TELO2: variants seen among roughly 807,000 people sequenced by gnomAD.
The protein encoded by TELO2 is telomere length regulation protein TEL2 homolog.
In TELO2, 71 loss-of-function variants were observed where a neutral mutation model predicts 91.0. The observed-to-expected ratio is 0.78, with a 90% CI of 0.64 to 0.95. The LOEUF (loss-of-function observed/expected upper bound fraction) is 0.95. Among genes scored for constraint, TELO2 ranks in the 40% least tolerant of loss-of-function variants. The probability of loss-of-function intolerance (pLI) is 0.00; values close to 1 mark genes in which losing one functional copy is unlikely to be tolerated. For missense variants in TELO2, 1,183 were observed against 1,141.3 expected (o/e 1.04, Z -0.53); for synonymous variants, 584 against 518.9 (o/e 1.13, Z -1.71).
chr16:1,501,722 A>C lies in TELO2; in HGVS notation c.1421A>C (p.Asp474Ala). 6.2e-7 allele frequency: 1 copy of C among 1,612,398 alleles called. No individual in the cohort carries two copies. Among genetic ancestry groups the C allele is most frequent in the Non-Finnish European group, 8.5e-7 (1 of 1,179,898 alleles). The change falls in exon 11 of 21, where the codon GAT becomes GCT. Residue 474 changes from aspartate to alanine, a missense_variant. By Grantham distance (126) the Asp-to-Ala change is moderately radical (BLOSUM62 -2). Transcript: ENST00000262319. ...PPAETPAEIV[D>A]GGVPQAQLAG... ...GCAGAGACCCCCGCAGAGATCGTGG[A>C]TGGCGGCGTCCCCCAAGCACAGCTG...
In TELO2 at chr16:1,494,894, C is replaced by T. The variant is rs985495308; in HGVS notation, c.335+278C>T. 1.1e-4 allele frequency among the ~76,000 whole-genome samples: 17 copies of T among 152,204 alleles called. No individual in the cohort carries two copies. Among genetic ancestry groups the T allele is most frequent in the African/African-American group, 3.4e-4 (14 of 41,444 alleles). ...CACATCCCAGGCGGCAGAGGCAGCC[C>T]GTCAGCTGGGGACGTTCCAGGTTTT... On this transcript the variant is annotated intron_variant, in intron 2 of 20. Transcript: ENST00000262319. The surrounding 1 kb of genome is among the most constrained non-coding windows in gnomAD (Gnocchi z 5.6).
At chr16:1,507,832 G>A (rs2039961263) in intron 20 of TELO2, 116 bp downstream of exon 20, 1 of 572,498 alleles carries the variant, frequency 1.7e-6, no homozygotes, top group Non-Finnish European at 2.5e-6. Context: ...GTGTGTGTGT[G>A]ATGTGTGTTG....
chr16:1,503,088 T>C (rs1220523055), intron 15 of TELO2, 86 bp downstream of exon 15: 2 of 1,498,880 alleles, frequency 1.3e-6, no homozygotes, highest in African/African-American at 1.4e-5. Flanking sequence ...TCCTTGTTGC[T>C]GGGCCCCAAG....
Position 1,495,440 on chromosome 16 carries a change from C to G in TELO2, c.430C>G (p.Gln144Glu), listed in dbSNP as rs568782545. Residue 144 changes from glutamine to glutamate, a missense_variant, in exon 3 of 21, where the codon CAG becomes GAG. By Grantham distance (29) the Gln-to-Glu change is conservative. Coordinates refer to ENST00000262319, the MANE Select transcript of TELO2 (RefSeq NM_016111.4). The stretch of plus-strand genomic sequence containing the variant: ...GCTGATGGAGGCGCAGTGTCGGCAG[C>G]AGACGCAGCCCGGCTTCATCCTGCT... ...AVLMEAQCRQ[Q>E]TQPGFILLRE... 13 of 1,602,840 alleles carry G rather than the reference C, an allele frequency of 8.1e-6. No homozygotes were observed. The highest frequency in any genetic ancestry group is 5.3e-5 in the African/African-American group (4 of 74,798).
In TELO2 at chr16:1,507,314, G is replaced by T; in HGVS notation, c.2235G>T (p.Val745=). The part of the protein sequence containing the change: ...MCLAVNTTVA[V]AMGKALLEFV... ...CCTCTGCTGGTGTCCAGGTGGCTGT[G>T]GCCATGGGCAAGGCCCTGCTGGAAT... The change falls in exon 19 of 21, where the codon GTG becomes GTT. Residue 745 remains valine (V), a synonymous_variant. Coordinates refer to ENST00000262319, the MANE Select transcript of TELO2 (RefSeq NM_016111.4). 6.2e-7 allele frequency: 1 copy of T among 1,609,680 alleles called. No individual in the cohort carries two copies.
chr16:1,497,500 C>G lies in TELO2; in HGVS notation c.822C>G (p.Ala274=), dbSNP rs761385755. The G allele has an allele frequency of 1.9e-6, 3 of 1,565,330 alleles. No individual in the cohort carries two copies. The highest frequency in any genetic ancestry group is 2.6e-6 in the Non-Finnish European group (3 of 1,159,030). The change falls in exon 5 of 21, where the codon GCC becomes GCG. Residue 274 remains alanine, a synonymous_variant. Coordinates refer to ENST00000262319, the MANE Select transcript of TELO2 (RefSeq NM_016111.4). This position sits in a 1 kb window ranked among gnomAD's most constrained non-coding sequence, Gnocchi z 4.0. ...MEAVLTGLVE[A]ALGPEVLSRL... Reference sequence around the variant, plus strand: ...CTGTGCTGACCGGGCTGGTGGAGGCCGCACTGGGGTAAGCAGCCAGGCTGT... The same window carrying G: ...CTGTGCTGACCGGGCTGGTGGAGGCGGCACTGGGGTAAGCAGCCAGGCTGT...
At position 1,497,804 on chromosome 16, in the gene TELO2, G is replaced by A. The variant is rs1288842338; in HGVS notation, c.830+296G>A. Among the ~76,000 whole-genome samples, 3 of 152,148 alleles carry A rather than the reference G, an allele frequency of 2.0e-5. No homozygotes were observed. The highest frequency in any genetic ancestry group is 2.1e-4 in the South Asian group (1 of 4,832). On this transcript the variant is annotated intron_variant, in intron 5 of 20. Transcript: ENST00000262319. This position sits in a 1 kb window ranked among gnomAD's most constrained non-coding sequence, Gnocchi z 4.0. The stretch of plus-strand genomic sequence containing the variant: ...TGCGCCTGTGGTCCCCCTCGCACAC[G>A]TGTGCACCATGTCCAGGCTCTGACA...
At chr16:1,502,433 G>T (rs897118544) in intron 13 of TELO2, 29 bp downstream of exon 13, 1 of 1,568,650 alleles carries the variant, frequency 6.4e-7, no homozygotes, top group African/African-American at 1.3e-5. Context: ...TGGGTGGGGA[G>T]GCCCAAGATG....
In TELO2 at chr16:1,494,488, G is replaced by A. The variant is rs1488978480; in HGVS notation, c.207G>A (p.Arg69=). 1 of 1,613,284 alleles carries A rather than the reference G, an allele frequency of 6.2e-7. No homozygotes were observed. Among genetic ancestry groups the A allele is most frequent in the Admixed American group, 1.7e-5 (1 of 60,028 alleles). ...FSPVLRCLAS[R]LSPAWLELLP... ...CTGTCCTCAGATGTCTTGCCAGCAG[G>A]CTGAGCCCAGCCTGGCTGGAGCTGC... Residue 69 remains arginine (R), a synonymous_variant, in exon 2 of 21, where the codon AGG becomes AGA. Coordinates refer to ENST00000262319, the MANE Select transcript of TELO2 (RefSeq NM_016111.4). This position sits in a 1 kb window ranked among gnomAD's most constrained non-coding sequence, Gnocchi z 5.6.
At chr16:1,506,511 T>C in intron 17 of TELO2, 182 bp downstream of exon 17, 1 of 1,452,984 alleles carries the variant, frequency 6.9e-7, no homozygotes, top group Non-Finnish European at 9.1e-7. Flanking sequence ...TCCTCTGTGG[T>C]TGAGCTTTGC....
chr16:1,506,925 C>A, intron 17 of TELO2, 27 bp from the exon 18 acceptor site: 1 of 1,586,036 alleles, frequency 6.3e-7, no homozygotes, highest in Non-Finnish European at 8.6e-7. Context: ...GCACCCGCTG[C>A]ACCTTGGGCT....
Position 1,510,208 on chromosome 16 carries a change from A to G in TELO2, c.*272A>G. The G allele has an allele frequency of 2.1e-6, 1 of 474,812 alleles. No homozygotes were observed. The highest frequency in any genetic ancestry group is 3.9e-6 in the Non-Finnish European group (1 of 258,552). 29.4% of individuals were successfully genotyped at this position (474,812 alleles called of 1,614,324 possible). ...CGCTGCTGGCGGGGTTGACTCTTCC[A>G]GTGAGGGCAGAACCAGGCTGGCAGG... is the stretch of plus-strand genomic sequence containing the variant. On this transcript the variant is annotated 3_prime_UTR_variant, in exon 21 of 21. Coordinates refer to ENST00000262319, the MANE Select transcript of TELO2 (RefSeq NM_016111.4).
intron 20 of TELO2, 84 bp downstream of exon 20, chr16:1,507,800 T>C: frequency 8.5e-7 from 1 of 1,176,716 alleles, no homozygotes; most frequent in African/African-American, 1.7e-5. Context: ...GTGAGAGATG[T>C]GTCGGCCCGG....
In TELO2 at chr16:1,510,128, C is replaced by T. The variant is rs1053656630; in HGVS notation, c.*192C>T. ...GCCAGTCCGCTAAAAATACACTGGG[C>T]CTGGGCACTGCCCGCCGGGACATGG... On this transcript the variant is annotated 3_prime_UTR_variant, in exon 21 of 21. Coordinates refer to ENST00000262319, the MANE Select transcript of TELO2 (RefSeq NM_016111.4). 1 of 591,806 alleles carries T rather than the reference C, an allele frequency of 1.7e-6. No individual in the cohort carries two copies. Among genetic ancestry groups the T allele is most frequent in the South Asian group, 2.0e-5 (1 of 50,314 alleles). 36.7% of individuals were successfully genotyped at this position (591,806 alleles called of 1,614,324 possible). A position where few individuals can be genotyped will look rare whatever the true frequency, so the allele number is the denominator to read the frequency against.
Position 1,507,592 on chromosome 16 carries a change from T to TG in TELO2, c.2292-8dup. 1 of 1,579,212 alleles carries TG rather than the reference T, an allele frequency of 6.3e-7. No homozygotes were observed. Among genetic ancestry groups the TG allele is most frequent in the Non-Finnish European group, 8.5e-7 (1 of 1,169,794 alleles). Reference sequence around the variant, plus strand: ...CTGCCGAGCTCAGCCCCCGCCTTCTTGCCGGCAGCTACGTGCGCCAGGGGC... The same window carrying TG: ...CTGCCGAGCTCAGCCCCCGCCTTCTTGGCCGGCAGCTACGTGCGCCAGGGGC... On this transcript the variant is annotated splice_polypyrimidine_tract_variant and intron_variant, in intron 19 of 20. Coordinates refer to ENST00000262319, the MANE Select transcript of TELO2 (RefSeq NM_016111.4).
In TELO2 at chr16:1,507,727, G is replaced by A. The variant is rs1387823139; in HGVS notation, c.2407+11G>A. The A allele has an allele frequency of 1.9e-6, 3 of 1,596,374 alleles. No homozygotes were observed. The highest frequency in any genetic ancestry group is 1.7e-5 in the Admixed American group (1 of 58,780). ...GGTCCTGGCTGGCGGGTGAGTGTCG[G>A]CCTGCGGTGTGTGTGTGAGATGTGT... On this transcript the variant is annotated intron_variant, in intron 20 of 20. Coordinates refer to ENST00000262319, the MANE Select transcript of TELO2 (RefSeq NM_016111.4).
chr16:1,507,997 G>A (rs542556591), intron 20 of TELO2, among the ~76,000 whole-genome samples: 40 of 152,056 alleles, frequency 2.6e-4, no homozygotes, highest in African/African-American at 8.2e-4. Flanking sequence ...GGCAGAGTGT[G>A]CAGGCCGGAG....
intron 5 of TELO2, among the ~76,000 whole-genome samples, chr16:1,498,428 GTGT>G (rs2039567802): frequency 6.6e-6 from 1 of 151,980 alleles, no homozygotes; most frequent in Non-Finnish European, 1.5e-5. Context: ...GTTTGTTTTG[GTGT>G]TGTTGTTGGG....
intron 3 of TELO2, 27 bp downstream of exon 3, chr16:1,495,650 T>C: frequency 6.4e-7 from 1 of 1,558,618 alleles, no homozygotes; most frequent in Non-Finnish European, 8.7e-7. Flanking sequence ...GGGACCCCCT[T>C]TGCCACCCGT....
Sources: allele counts gnomAD v4.1 joint callset (sites outside exome capture counted in the v4.1 genomes callset), GRCh38; gene constraint gnomAD v4.1.1; non-coding constraint Gnocchi (gnomAD v3.1); transcripts MANE v1.5; gene names NCBI Gene and HGNC (gene_info 2026-07-23, HGNC 2026-07-21).